NF1: variants seen among roughly 807,000 people sequenced by gnomAD.
The protein encoded by NF1 is neurofibromin 1.
A neutral mutation model predicts 325.7 loss-of-function variants in NF1; 122 were observed. That is an observed-to-expected ratio of 0.37 (90% CI 0.32 to 0.44). The LOEUF (loss-of-function observed/expected upper bound fraction) is 0.44, where lower values mean the gene tolerates loss of function less well. Ranked by LOEUF, NF1 falls within the 20% of genes least tolerant of loss-of-function variation. NF1 has a pLI of 1.00. For synonymous variants in NF1, 1,091 were observed against 1,186.0 expected (o/e 0.92, Z 1.65); for missense variants, 2,140 against 3,415.4 (o/e 0.63, Z 9.31).
At chr17:31,304,056 A>G in intron 36 of NF1, 1 of 469,640 alleles carries the variant, frequency 2.1e-6, no homozygotes, top group Non-Finnish European at 3.7e-6. Context: ...CTTTAAAGAT[A>G]GGTACTATAA....
chr17:31,340,790 T>C (rs1411806982), intron 47 of NF1, 145 bp downstream of exon 47: 10 of 818,920 alleles, frequency 1.2e-5, no homozygotes, highest in Non-Finnish European at 1.5e-5. Flanking sequence ...GTATATTTCC[T>C]TACCAGCTCA....
chr17:31,240,127 A>G (rs934586959), intron 29 of NF1, among the ~76,000 whole-genome samples: 1 of 152,170 alleles, frequency 6.6e-6, no homozygotes, highest in Non-Finnish European at 1.5e-5. Flanking sequence ...AATGTACAAT[A>G]AGTTCTTGTT....
At chr17:31,105,591 T>G (rs1912785148) in intron 1 of NF1, among the ~76,000 whole-genome samples, 1 of 152,214 alleles carries the variant, frequency 6.6e-6, no homozygotes, top group Non-Finnish European at 1.5e-5. Context: ...CTGGGCTCAC[T>G]GCAACCTCTG....
At chr17:31,365,917 A>G (rs1192365320) in intron 57 of NF1, among the ~76,000 whole-genome samples, 1 of 151,776 alleles carries the variant, frequency 6.6e-6, no homozygotes, top group Non-Finnish European at 1.5e-5. Flanking sequence ...AAACAAGTAA[A>G]TTCGTGATCT....
intron 4 of NF1, among the ~76,000 whole-genome samples, chr17:31,166,223 T>G (rs2065842165): frequency 6.6e-6 from 1 of 152,232 alleles, no homozygotes. Context: ...AGTTTACTAT[T>G]TGGTTCCATA....
At position 31,258,952 on chromosome 17, in the gene NF1, A is replaced by G. The variant is rs1597745448; in HGVS notation, c.4333-80A>G. ...AGAAATTATATCAATGAGAAAATTC[A>G]TGTTTTTAAAGAATGTCTTAATGTA... is the stretch of plus-strand genomic sequence containing the variant. On this transcript the variant is annotated intron_variant, in intron 32 of 57. Transcript: ENST00000358273. 4 of 916,396 alleles carry G rather than the reference A, an allele frequency of 4.4e-6. No homozygotes were observed. In the East Asian group the frequency reaches 8.1e-5, roughly 19 times the overall value. The allele number at this position is 916,396 out of a possible 1,614,324, so 56.8% of individuals were successfully genotyped here. A position where few individuals can be genotyped will look rare whatever the true frequency, so the allele number is the denominator to read the frequency against.
intron 57 of NF1, among the ~76,000 whole-genome samples, chr17:31,370,390 T>C (rs1446531951): frequency 6.6e-6 from 1 of 152,168 alleles, no homozygotes; most frequent in Non-Finnish European, 1.5e-5. Context: ...ATAACCACTG[T>C]TTATTAACAT....
At chr17:31,181,635 A>C in intron 6 of NF1, 75 bp from the exon 7 acceptor site, 2 of 1,286,914 alleles carry the variant, frequency 1.6e-6, no homozygotes, top group Admixed American at 3.4e-5. Flanking sequence ...TTATGAAGGA[A>C]GTTAGAAGTT....
intron 4 of NF1, among the ~76,000 whole-genome samples, chr17:31,166,261 C>CT (rs1224021766): frequency 6.6e-6 from 1 of 152,032 alleles, no homozygotes; most frequent in African/African-American, 2.4e-5. Flanking sequence ...GTTTCTTACT[C>CT]TTTTTTTAAA....
intron 36 of NF1, among the ~76,000 whole-genome samples, chr17:31,277,706 C>T (rs1044015547): frequency 3.9e-5 from 6 of 152,228 alleles, no homozygotes; most frequent in African/African-American, 1.4e-4. Context: ...TCCGTTTCTG[C>T]AGGGTCCCAG....
chr17:31,281,950 C>G (rs2068126533), intron 36 of NF1, among the ~76,000 whole-genome samples: 1 of 151,700 alleles, frequency 6.6e-6, no homozygotes, highest in African/African-American at 2.4e-5. Flanking sequence ...GTCCCAACTA[C>G]TCAGGAGGCT....
chr17:31,127,002 C>T (rs1410817400), intron 1 of NF1, among the ~76,000 whole-genome samples: 1 of 151,974 alleles, frequency 6.6e-6, no homozygotes, highest in East Asian at 1.9e-4. Context: ...TATTTTTTTG[C>T]CATATGATAA....
chr17:31,322,094 TACACACACACACACAC>T (rs71142046), intron 36 of NF1, among the ~76,000 whole-genome samples: 33 of 147,412 alleles, frequency 2.2e-4, no homozygotes, highest in African/African-American at 5.8e-4. Flanking sequence ...AGTGTGTGTA[TACACACACACACACAC>T]ACACACACAC....
At chr17:31,146,950 C>T (rs1326021317) in intron 1 of NF1, among the ~76,000 whole-genome samples, 2 of 152,230 alleles carry the variant, frequency 1.3e-5, no homozygotes, top group African/African-American at 4.8e-5. Flanking sequence ...TAAGGTAAGT[C>T]CTTTTTTGAA....
chr17:31,172,828 A>C (rs1334451443), intron 5 of NF1, among the ~76,000 whole-genome samples: 1 of 152,144 alleles, frequency 6.6e-6, no homozygotes, highest in Non-Finnish European at 1.5e-5. Flanking sequence ...TATTTTAGAT[A>C]TACCCCTTTG....
At chr17:31,249,598 CT>C (rs2067459454) in intron 30 of NF1, among the ~76,000 whole-genome samples, 1 of 152,156 alleles carries the variant, frequency 6.6e-6, no homozygotes, top group Non-Finnish European at 1.5e-5. Flanking sequence ...GTTCTGTTTA[CT>C]TTATGTAGCA....
Position 31,249,061 on chromosome 17 carries a change from T to G in NF1, c.4052T>G (p.Ile1351Ser). Residue 1351 changes from isoleucine (I) to serine (S), a missense_variant, in exon 30 of 58, where the codon ATC (isoleucine) becomes AGC (serine). Ile to Ser is a moderately radical substitution (Grantham distance 142). This residue lies in a region of NF1 where 336 missense variants were observed against 399.0 expected (regional missense o/e 0.84). Transcript: ENST00000358273. ...ACTGAAAAGTTCTTCCATGCCATCA[T>G]CAGTTCCTCCTCAGAATTCCCCCCT... The part of the protein sequence containing the change: ...QMTEKFFHAI[I>S]SSSSEFPPQL... 1 of 1,614,180 alleles carries G rather than the reference T, an allele frequency of 6.2e-7. No individual in the cohort carries two copies. Among genetic ancestry groups the G allele is most frequent in the Non-Finnish European group, 8.5e-7 (1 of 1,180,006 alleles).
intron 3 of NF1, among the ~76,000 whole-genome samples, chr17:31,161,286 A>C (rs2065756898): frequency 6.6e-6 from 1 of 152,236 alleles, no homozygotes; most frequent in Non-Finnish European, 1.5e-5. Flanking sequence ...TTAGCCTATA[A>C]ACAAGAAATA....
intron 7 of NF1, 125 bp from the exon 8 acceptor site, chr17:31,182,383 A>G: frequency 1.2e-6 from 1 of 854,546 alleles, no homozygotes; most frequent in Non-Finnish European, 1.9e-6. Context: ...TAGTTGCTTA[A>G]ATGAAGTTCC....
Sources: gnomAD v4.1 joint callset for allele counts (sites outside exome capture counted in the v4.1 genomes callset) on GRCh38, gnomAD v4.1.1 for gene constraint, gnomAD v4.1.1 regional missense constraint, MANE v1.5 for transcripts, NCBI Gene and HGNC (gene_info 2026-07-23, HGNC 2026-07-21) for gene names.